The following PTPRN2 variants were observed in gnomAD, a reference collection of about 807,000 sequenced individuals.
The protein encoded by PTPRN2 is receptor-type tyrosine-protein phosphatase N2.
A neutral mutation model predicts 118.8 loss-of-function variants in PTPRN2; 74 were observed. The ratio of observed to expected loss-of-function variants is 0.62; its 90% CI spans 0.52 to 0.76. PTPRN2 has a LOEUF of 0.76. Ranked by LOEUF, PTPRN2 falls within the 30% of genes least tolerant of loss-of-function variation. The probability of loss-of-function intolerance (pLI) is 0.00; values close to 1 mark genes in which losing one functional copy is unlikely to be tolerated. For missense variants in PTPRN2, 1,481 were observed against 1,394.4 expected (o/e 1.06, Z -0.99); for synonymous variants, 641 against 608.0 (o/e 1.05, Z -0.80).
intron 3 of PTPRN2, among the ~76,000 whole-genome samples, chr7:158,248,784 CAT>C (rs541144112): frequency 8.2e-5 from 1 of 12,198 alleles, no homozygotes; most frequent in Non-Finnish European, 1.6e-4. Context: ...GCACACATCA[CAT>C]ATGTGCATAT....
intron 3 of PTPRN2, among the ~76,000 whole-genome samples, chr7:158,245,916 G>C (rs1051618802): frequency 2.0e-5 from 3 of 151,940 alleles, no homozygotes; most frequent in Non-Finnish European, 4.4e-5. Flanking sequence ...ACATCAGTCT[G>C]GCTCGCAGGC....
intron 11 of PTPRN2, among the ~76,000 whole-genome samples, chr7:158,026,699 C>T (rs914682115): frequency 2.0e-5 from 3 of 152,128 alleles, no homozygotes; most frequent in African/African-American, 4.8e-5. Context: ...TCAAAGCTGC[C>T]CCCTGAGCCC....
chr7:157,743,369 C>T (rs555029108), intron 12 of PTPRN2, among the ~76,000 whole-genome samples: 6 of 152,304 alleles, frequency 3.9e-5, no homozygotes, highest in Admixed American at 2.0e-4. Flanking sequence ...TGTCTGCTCA[C>T]GGTGGGACCA....
chr7:158,498,805 A>G (rs911594032), intron 1 of PTPRN2, among the ~76,000 whole-genome samples: 1 of 152,228 alleles, frequency 6.6e-6, no homozygotes, highest in Non-Finnish European at 1.5e-5. Flanking sequence ...AGAGAACTTC[A>G]ACCGGTAACT....
intron 9 of PTPRN2, among the ~76,000 whole-genome samples, chr7:158,123,200 C>T (rs984723174): frequency 6.6e-6 from 1 of 152,248 alleles, no homozygotes; most frequent in African/African-American, 2.4e-5. Flanking sequence ...ATCATTAAAA[C>T]AAACCATGAA....
At chr7:158,179,473 T>C (rs1824507716) in intron 5 of PTPRN2, among the ~76,000 whole-genome samples, 2 of 152,236 alleles carry the variant, frequency 1.3e-5, no homozygotes, top group African/African-American at 4.8e-5. Flanking sequence ...TCTTTTGCTA[T>C]ATGAAGCTTT....
chr7:158,377,578 G>T (rs535839351), intron 2 of PTPRN2, among the ~76,000 whole-genome samples: 2 of 152,256 alleles, frequency 1.3e-5, no homozygotes, highest in South Asian at 2.1e-4. Flanking sequence ...GCTCGGCTTG[G>T]GGGTGGAAAT....
chr7:158,327,009 ATT>A (rs1456203680), intron 2 of PTPRN2, among the ~76,000 whole-genome samples: 1 of 151,302 alleles, frequency 6.6e-6, no homozygotes, highest in East Asian at 2.0e-4. Context: ...ACACACATGC[ATT>A]CTCACATATA....
At chr7:157,570,806 G>T (rs1393476488) in intron 20 of PTPRN2, among the ~76,000 whole-genome samples, 2 of 152,148 alleles carry the variant, frequency 1.3e-5, no homozygotes, top group East Asian at 3.9e-4. Context: ...TGGACGTCCT[G>T]GTGGTTGAGA....
chr7:157,851,750 G>A lies in PTPRN2; in HGVS notation c.1788+46923C>T, dbSNP rs996490418. ...GAGGCAAAGAGCCTCTCCTGTAACA[G>A]TGTGGTCCTTCCAGCCTTCTCTCAC... On this transcript the variant is annotated intron_variant, in intron 12 of 22. Transcript: ENST00000389418. 1.3e-4 allele frequency among the ~76,000 whole-genome samples: 20 copies of A among 152,240 alleles called. No individual in the cohort carries two copies. In the East Asian group the frequency reaches 3.8e-3, roughly 29 times the overall value.
Position 157,685,326 on chromosome 7 carries a change from C to A in PTPRN2, c.1789-2389G>T, listed in dbSNP as rs369591866. On this transcript the variant is annotated intron_variant, in intron 12 of 22. Transcript: ENST00000389418. ...TGACTGCGCCCGGGAACAGGGACTT[C>A]CCGAACCTTCCTGCCCCGCGCCGTG... 4.6e-5 allele frequency among the ~76,000 whole-genome samples: 7 copies of A among 152,028 alleles called. No homozygotes were observed. The East Asian group carries it at 9.7e-4, about 21-fold the overall frequency.
At chr7:157,909,483 G>A (rs1797961156) in intron 11 of PTPRN2, among the ~76,000 whole-genome samples, 1 of 152,258 alleles carries the variant, frequency 6.6e-6, no homozygotes, top group African/African-American at 2.4e-5. Flanking sequence ...TACAGTCCAG[G>A]CCACAGACAC....
chr7:158,320,376 G>A (rs552725107), intron 2 of PTPRN2, among the ~76,000 whole-genome samples: 12 of 152,104 alleles, frequency 7.9e-5, no homozygotes, highest in African/African-American at 9.6e-5. Context: ...AACAGTGGCC[G>A]TGCCATTTTT....
chr7:158,292,319 G>T (rs979974719), intron 3 of PTPRN2, among the ~76,000 whole-genome samples: 7 of 152,184 alleles, frequency 4.6e-5, no homozygotes, highest in African/African-American at 1.7e-4. Context: ...CCCGCCTCCT[G>T]GTGAGGCTTT....
At chr7:158,493,829 G>T (rs909263482) in intron 1 of PTPRN2, among the ~76,000 whole-genome samples, 2 of 150,228 alleles carry the variant, frequency 1.3e-5, no homozygotes, top group African/African-American at 4.9e-5. Flanking sequence ...ACACCTGCAT[G>T]CATACACACA....
intron 11 of PTPRN2, among the ~76,000 whole-genome samples, chr7:158,070,962 G>A (rs1234910734): frequency 1.9e-5 from 2 of 106,440 alleles, no homozygotes; most frequent in East Asian, 2.6e-4. Flanking sequence ...GGTGGTGGAG[G>A]TGCTCACGGT....
chr7:158,400,702 G>A (rs1243618367), intron 2 of PTPRN2, among the ~76,000 whole-genome samples: 4 of 152,072 alleles, frequency 2.6e-5, no homozygotes, highest in Non-Finnish European at 4.4e-5. Flanking sequence ...CTCAGCACAG[G>A]ACACCGTGGT....
At chr7:158,149,400 T>G (rs76403911) in intron 6 of PTPRN2, among the ~76,000 whole-genome samples, 9,521 of 151,248 alleles carry the variant, frequency 0.063, 299 homozygotes, top group South Asian at 0.11. Context: ...TATAAACTCT[T>G]AAAACATAAA....
chr7:157,541,096 G>A (rs1396995181), intron 22 of PTPRN2, among the ~76,000 whole-genome samples: 1 of 152,210 alleles, frequency 6.6e-6, no homozygotes, highest in Non-Finnish European at 1.5e-5. Flanking sequence ...AGAAGGCAAC[G>A]GTTCCTGCGT....
Sources: gnomAD v4.1 joint callset for allele counts (sites outside exome capture counted in the v4.1 genomes callset) on GRCh38, gnomAD v4.1.1 for gene constraint, MANE v1.5 for transcripts, NCBI Gene and HGNC (gene_info 2026-07-23, HGNC 2026-07-21) for gene names.